The following CDK6 variants were observed in gnomAD, a reference collection of about 807,000 sequenced individuals.
CDK6 encodes cyclin-dependent kinase 6.
In CDK6, 6 loss-of-function variants were observed where a neutral mutation model predicts 37.1. The observed-to-expected ratio is 0.16, with a 90% CI of 0.09 to 0.32. The LOEUF (loss-of-function observed/expected upper bound fraction) is 0.32. CDK6 is among the 10% of genes least tolerant of loss of function. The probability of loss-of-function intolerance (pLI) is 1.00; values close to 1 mark genes in which losing one functional copy is unlikely to be tolerated. For synonymous variants in CDK6, 160 were observed against 161.3 expected (o/e 0.99, Z 0.06); for missense variants, 224 against 418.9 (o/e 0.53, Z 4.06).
At chr7:92,711,393 C>T (rs553881545) in intron 4 of CDK6, among the ~76,000 whole-genome samples, 112 of 152,164 alleles carry the variant, frequency 7.4e-4, no homozygotes, top group Non-Finnish European at 1.3e-3. Context: ...ATAGGCACAT[C>T]CACATCCACC....
chr7:92,834,247 A>C lies in CDK6; in HGVS notation c.-367-557T>G, dbSNP rs1042568917. On this transcript the variant is annotated intron_variant, in intron 1 of 7. Transcript: ENST00000424848. This position sits in a 1 kb window ranked among gnomAD's most constrained non-coding sequence, Gnocchi z 4.6. ...CAGGACCCTGTAACCCGATGCTGGG[A>C]GTGTGCGAGAAGGGGTGGTCAGACA... Among the ~76,000 whole-genome samples, 1 of 150,302 alleles carries C rather than the reference A, an allele frequency of 6.7e-6. No homozygotes were observed.
chr7:92,704,738 G>A (rs1797930010), intron 4 of CDK6, among the ~76,000 whole-genome samples: 1 of 152,058 alleles, frequency 6.6e-6, no homozygotes, highest in African/African-American at 2.4e-5. Flanking sequence ...TCATTCCTTT[G>A]TATATGAACA....
At chr7:92,777,049 G>A (rs1799868524) in intron 2 of CDK6, among the ~76,000 whole-genome samples, 2 of 152,124 alleles carry the variant, frequency 1.3e-5, no homozygotes, top group Admixed American at 6.5e-5. Flanking sequence ...TTATGTTTAA[G>A]TCTTTAATCC....
chr7:92,703,794 G>A (rs892210045), intron 4 of CDK6, among the ~76,000 whole-genome samples: 6 of 152,070 alleles, frequency 3.9e-5, no homozygotes, highest in African/African-American at 7.2e-5. Context: ...TTTTCCTGCT[G>A]TTATGATCCC....
chr7:92,649,077 G>A (rs1433829446), intron 5 of CDK6, among the ~76,000 whole-genome samples: 1 of 151,710 alleles, frequency 6.6e-6, no homozygotes, highest in Non-Finnish European at 1.5e-5. Context: ...ATATATTTGA[G>A]GAGCTATGCA....
chr7:92,729,493 A>G (rs1455059698), intron 3 of CDK6, among the ~76,000 whole-genome samples: 5 of 152,200 alleles, frequency 3.3e-5, no homozygotes. Flanking sequence ...TGCGACTCGC[A>G]AGCATGTTTC....
chr7:92,717,496 A>AAAAGAAAAGAAAAAGAAAG (rs539003715), intron 4 of CDK6, among the ~76,000 whole-genome samples: 1 of 151,928 alleles, frequency 6.6e-6, no homozygotes, highest in African/African-American at 2.4e-5. Context: ...GAAAAGAAAG[A>AAAAGAAAAGAAAAAGAAAG]AAAGAAAAGA....
intron 5 of CDK6, among the ~76,000 whole-genome samples, chr7:92,634,866 T>TA (rs2116520782): frequency 6.6e-6 from 1 of 152,228 alleles, no homozygotes; most frequent in Admixed American, 6.5e-5. Context: ...TCCTGACTGT[T>TA]CTCCTAAGTG....
At chr7:92,699,737 T>C (rs761150643) in intron 4 of CDK6, among the ~76,000 whole-genome samples, 3 of 152,190 alleles carry the variant, frequency 2.0e-5, no homozygotes, top group Non-Finnish European at 4.4e-5. Context: ...ATCATATCTG[T>C]TCTCAAAAGC....
chr7:92,617,496 T>C (rs1336230739), intron 7 of CDK6, among the ~76,000 whole-genome samples: 1 of 152,206 alleles, frequency 6.6e-6, no homozygotes, highest in African/African-American at 2.4e-5. Flanking sequence ...TTTCTACCTA[T>C]TGTTCTGGCC....
chr7:92,651,977 T>C (rs972496138), intron 5 of CDK6, among the ~76,000 whole-genome samples: 2 of 152,208 alleles, frequency 1.3e-5, no homozygotes, highest in African/African-American at 4.8e-5. Flanking sequence ...ATTGGAAATG[T>C]AATCCAATAA....
chr7:92,794,495 T>A (rs1426572652), intron 2 of CDK6, among the ~76,000 whole-genome samples: 2 of 152,132 alleles, frequency 1.3e-5, no homozygotes, highest in Admixed American at 6.6e-5. Flanking sequence ...ATCCTAAAAA[T>A]ACTTACAGTT....
intron 5 of CDK6, among the ~76,000 whole-genome samples, chr7:92,656,900 CG>C (rs761750101): frequency 6.6e-5 from 10 of 152,064 alleles, no homozygotes; most frequent in Non-Finnish European, 1.5e-4. Context: ...TCTGAAGACC[CG>C]GGGACACAGA....
At chr7:92,816,080 C>G (rs1272244280) in intron 2 of CDK6, among the ~76,000 whole-genome samples, 3 of 152,106 alleles carry the variant, frequency 2.0e-5, no homozygotes, top group Admixed American at 6.6e-5. Context: ...ACTTTACTGC[C>G]TGCCAGAACA....
intron 4 of CDK6, among the ~76,000 whole-genome samples, chr7:92,707,113 ATTCAT>A (rs1797986002): frequency 6.6e-6 from 1 of 152,238 alleles, no homozygotes; most frequent in Non-Finnish European, 1.5e-5. Context: ...ATTGGTTTAT[ATTCAT>A]TTCTTTACCT....
intron 5 of CDK6, among the ~76,000 whole-genome samples, chr7:92,654,608 A>G (rs975954420): frequency 1.3e-5 from 2 of 151,914 alleles, no homozygotes; most frequent in Admixed American, 1.3e-4. Flanking sequence ...TCCTTTTTGC[A>G]TGTATGTGTT....
At chr7:92,782,179 T>C (rs2115820104) in intron 2 of CDK6, among the ~76,000 whole-genome samples, 1 of 152,326 alleles carries the variant, frequency 6.6e-6, no homozygotes, top group Middle Eastern at 3.4e-3. Flanking sequence ...TATCTAGTTG[T>C]GGGAAAGAAG....
At position 92,833,965 on chromosome 7, in the gene CDK6, G is replaced by C. The variant is rs534464818; in HGVS notation, c.-367-275C>G. 5.0e-6 allele frequency: 2 copies of C among 398,496 alleles called. No homozygotes were observed. The highest frequency in any genetic ancestry group is 2.1e-5 in the African/African-American group (1 of 48,582). 24.7% of individuals were successfully genotyped at this position (398,496 alleles called of 1,614,324 possible). A position where few individuals can be genotyped will look rare whatever the true frequency, so the allele number is the denominator to read the frequency against. On this transcript the variant is annotated intron_variant, in intron 1 of 7. Coordinates refer to ENST00000424848, the MANE Select transcript of CDK6 (RefSeq NM_001145306.2). This position sits in a 1 kb window ranked among gnomAD's most constrained non-coding sequence, Gnocchi z 6.1. The stretch of plus-strand genomic sequence containing the variant: ...CGAGCGGCGCGGGACGCAGTGGAAC[G>C]GGAGGGGGCGTGCCGAGCAGCCCAG...
chr7:92,671,429 C>T lies in CDK6; in HGVS notation c.644G>A (p.Arg215Lys), dbSNP rs1797069526. The T allele has an allele frequency of 6.5e-7, 1 of 1,545,350 alleles. No individual in the cohort carries two copies. The highest frequency in any genetic ancestry group is 8.7e-7 in the Non-Finnish European group (1 of 1,144,940). Residue 215 changes from arginine (R) to lysine (K), a missense_variant, in exon 5 of 8, where the codon AGA becomes AAA. This residue lies in a region of CDK6 where 90 missense variants were observed against 136.2 expected (regional missense o/e 0.66). Transcript: ENST00000424848. ...TGAAACAAAATGTATTTCTTACTTTCTACGAAACATTTCTGCAAATATGCA... is the reference window on the plus strand; with the variant it reads ...TGAAACAAAATGTATTTCTTACTTTTTACGAAACATTTCTGCAAATATGCA... ...VGCIFAEMFR[R>K]KPLFRGSSDV...
Sources: allele counts gnomAD v4.1 joint callset (sites outside exome capture counted in the v4.1 genomes callset), GRCh38; gene constraint gnomAD v4.1.1; regional missense constraint gnomAD v4.1.1; non-coding constraint Gnocchi (gnomAD v3.1); transcripts MANE v1.5; gene names NCBI Gene and HGNC (gene_info 2026-07-23, HGNC 2026-07-21).